The following TRIM73 variants were observed in gnomAD, a reference collection of about 807,000 sequenced individuals.
The protein encoded by TRIM73 is tripartite motif containing 73.
For missense variants in TRIM73, 17 were observed against 272.5 expected (o/e 0.06, Z 6.60); for synonymous variants, 8 against 115.4 (o/e 0.07, Z 5.97).
At chr7:75,402,354 A>T (rs1261949604) in intron 2 of TRIM73, 3 of 93,792 alleles carry the variant, frequency 3.2e-5, no homozygotes, top group Non-Finnish European at 4.3e-5. Flanking sequence ...AGACCCTCTT[A>T]TGCCTGGGAA....
In TRIM73 at chr7:75,404,914, GC is replaced by G; in HGVS notation, c.574del (p.Arg192AlafsTer6). The G allele has an allele frequency of 6.5e-7, 1 of 1,544,478 alleles. No homozygotes were observed. On this transcript the variant is annotated frameshift_variant, in exon 4 of 5. Coordinates refer to ENST00000323819, the Ensembl canonical transcript of TRIM73. LOFTEE classifies it high-confidence loss of function. ...GCGCCACCCGGTGGACGAGGAGAAG[GC>G]CCGCTGCCTGGAGGGGATAGGGGGT... is the stretch of plus-strand genomic sequence containing the variant.
chr7:75,404,989 CA>C lies in TRIM73; in HGVS notation c.647del (p.Gln216ArgfsTer63), dbSNP rs1789056369. The C allele has an allele frequency of 6.2e-7, 1 of 1,611,472 alleles. No homozygotes were observed. The highest frequency in any genetic ancestry group is 8.5e-7 in the Non-Finnish European group (1 of 1,179,250). ...CCTGGACATGCAGCTGGAGCAGGCC[CA>C]GGGAACCCGGGAGCGGCTGGCCCAA... On this transcript the variant is annotated frameshift_variant, in exon 4 of 5. Transcript: ENST00000323819. LOFTEE classifies it high-confidence loss of function.
Position 75,401,287 on chromosome 7 carries a change from G to A in TRIM73, c.399+1955G>A, listed in dbSNP as rs1214679687. 4.8e-5 allele frequency among the ~76,000 whole-genome samples: 3 copies of A among 62,222 alleles called. 1 individual carries two copies. Among genetic ancestry groups the A allele is most frequent in the Admixed American group, 1.8e-4 (1 of 5,502 alleles). 40.8% of individuals were successfully genotyped at this position (62,222 alleles called of 152,430 possible). A position where few individuals can be genotyped will look rare whatever the true frequency, so the allele number is the denominator to read the frequency against. ...TTTATTAGTTGATGGGAAGGAGGGA[G>A]GGAACAGGCTGGGAGATTGTCTGTC... On this transcript the variant is annotated intron_variant, in intron 2 of 4. Transcript: ENST00000323819.
exon 4 of TRIM73, chr7:75,405,024 T>G: frequency 1.2e-6 from 2 of 1,613,342 alleles, no homozygotes; most frequent in Non-Finnish European, 1.7e-6. Context: ...AAGCCGAGTG[T>G]GTGCTGGAAC....
Position 75,401,345 on chromosome 7 carries a change from G to C in TRIM73, c.399+2013G>C, listed in dbSNP as rs1429221110. ...GTTAGGATCCAGCAGCTCAGCTTGGGTCCCTGTTTTAGATTTGGGCTTAAT... is the reference window on the plus strand; with the variant it reads ...GTTAGGATCCAGCAGCTCAGCTTGGCTCCCTGTTTTAGATTTGGGCTTAAT... On this transcript the variant is annotated intron_variant, in intron 2 of 4. Coordinates refer to ENST00000323819, the Ensembl canonical transcript of TRIM73. 2.4e-4 allele frequency among the ~76,000 whole-genome samples: 22 copies of C among 93,614 alleles called. 3 individuals carry two copies. The highest frequency in any genetic ancestry group is 1.0e-3 in the African/African-American group (22 of 21,722). 61.4% of individuals were successfully genotyped at this position (93,614 alleles called of 152,430 possible).
chr7:75,402,423 G>A (rs1169159940), intron 2 of TRIM73: 1 of 113,672 alleles, frequency 8.8e-6, no homozygotes, highest in African/African-American at 3.4e-5. Context: ...ACGGAGTCTC[G>A]CTCTGTCGCC....
At chr7:75,404,866 ATCCGCCGCGAGT>A (rs1789049900) in exon 4 of TRIM73, 2 of 1,421,934 alleles carry the variant, frequency 1.4e-6, no homozygotes, top group Admixed American at 4.8e-5. Context: ...CAGCTGGGTG[ATCCGCCGCGAGT>A]TCCAGGAGCT....
rs782221258 is a variant in TRIM73 at position 75,398,674 on chromosome 7, GACACACACACACAC to G, written c.-18-223_-18-210del. On this transcript the variant is annotated intron_variant, in intron 1 of 4. Coordinates refer to ENST00000323819, the Ensembl canonical transcript of TRIM73. Reference sequence around the variant, plus strand: ...TCTCCAAATTTGAGTAAAAAATGTAGACACACACACACACACACACACACACACACACGTATCTT... The same window carrying G: ...TCTCCAAATTTGAGTAAAAAATGTAGACACACACACACACACACGTATCTT... 3.0e-4 allele frequency among the ~76,000 whole-genome samples: 11 copies of G among 36,270 alleles called. 1 individual carries two copies. The highest frequency in any genetic ancestry group is 3.6e-3 in the East Asian group (2 of 556). The allele number at this position is 36,270 out of a possible 152,430, so 23.8% of individuals were successfully genotyped here.
At chr7:75,396,323 G>C (rs71225037) in intron 1 of TRIM73, among the ~76,000 whole-genome samples, 2 of 150,090 alleles carry the variant, frequency 1.3e-5, no homozygotes, top group Non-Finnish European at 3.0e-5. Context: ...CTCCTGCCTC[G>C]GCCTCCCAAG....
rs2116238204 is a variant in TRIM73 at position 75,397,649 on chromosome 7, T to G, written c.-18-1267T>G. Among the ~76,000 whole-genome samples, 5 of 70,814 alleles carry G rather than the reference T, an allele frequency of 7.1e-5. 2 individuals are homozygous for G. The South Asian group carries it at 3.2e-3, about 45-fold the overall frequency. The allele number at this position is 70,814 out of a possible 152,430, so 46.5% of individuals were successfully genotyped here. A position where few individuals can be genotyped will look rare whatever the true frequency, so the allele number is the denominator to read the frequency against. ...CTGGGCAACAAAGCAAGACCCGGTA[T>G]CTACAAAAAAAATTTTAAAAATTAG... On this transcript the variant is annotated intron_variant, in intron 1 of 4. Transcript: ENST00000323819.
chr7:75,398,674 GACACACACACACACACACACAC>G (rs782221258), intron 1 of TRIM73, among the ~76,000 whole-genome samples: 1 of 36,270 alleles, frequency 2.8e-5, no homozygotes, highest in Non-Finnish European at 8.4e-5. Flanking sequence ...AAAAAATGTA[GACACACACACACACACACACAC>G]ACACACACAC....
intron 2 of TRIM73, among the ~76,000 whole-genome samples, chr7:75,401,153 A>G (rs1251278230): frequency 9.2e-5 from 1 of 10,890 alleles, no homozygotes. Flanking sequence ...GTCTCTGAGG[A>G]CTGAAAAGTG....
chr7:75,405,060 G>A, exon 4 of TRIM73: 2 of 1,613,374 alleles, frequency 1.2e-6, no homozygotes, highest in Non-Finnish European at 1.7e-6. Flanking sequence ...ACCACCATGA[G>A]TTCATCTGGG....
At chr7:75,395,696 G>A (rs1788842855) in exon 1 of TRIM73, 3 of 447,038 alleles carry the variant, frequency 6.7e-6, no homozygotes, top group East Asian at 7.1e-5. Flanking sequence ...GGCATGATGG[G>A]GCACGGACAT....
At chr7:75,405,008 T>A in exon 4 of TRIM73, 1 of 1,612,844 alleles carries the variant, frequency 6.2e-7, no homozygotes, top group South Asian at 1.1e-5. Flanking sequence ...CGGGAGCGGC[T>A]GGCCCAAGCC....
exon 1 of TRIM73, chr7:75,395,727 T>G: frequency 2.9e-6 from 1 of 345,478 alleles, no homozygotes; most frequent in Non-Finnish European, 5.0e-6. Context: ...GTGGGGCACG[T>G]AATTGGAGCT....
intron 2 of TRIM73, chr7:75,402,294 A>T (rs1435664556): frequency 2.4e-5 from 1 of 41,066 alleles, no homozygotes; most frequent in African/African-American, 1.0e-4. Flanking sequence ...GACTTCTGGT[A>T]GCTGTAACAT....
At chr7:75,402,442 A>T in intron 2 of TRIM73, 2 of 90,086 alleles carry the variant, frequency 2.2e-5, no homozygotes, top group Non-Finnish European at 2.2e-5. Flanking sequence ...CCCAGGCTGG[A>T]GTGCAGTGGG....
chr7:75,401,344 G>A (rs1171007160), intron 2 of TRIM73, among the ~76,000 whole-genome samples: 3 of 93,324 alleles, frequency 3.2e-5, no homozygotes, highest in African/African-American at 1.4e-4. Flanking sequence ...GCTCAGCTTG[G>A]GTCCCTGTTT....
Sources: allele counts gnomAD v4.1 joint callset (sites outside exome capture counted in the v4.1 genomes callset), GRCh38; gene constraint gnomAD v4.1.1; transcripts MANE v1.5; gene names NCBI Gene and HGNC (gene_info 2026-07-23, HGNC 2026-07-21).